BACE2: variants seen among roughly 807,000 people sequenced by gnomAD.
The protein encoded by BACE2 is 56 kDa aspartic-like protease.
BACE2 carries 17 observed loss-of-function variants against 46.2 expected under a neutral mutation model. The observed-to-expected ratio is 0.37, with a 90% CI of 0.25 to 0.55. The LOEUF (loss-of-function observed/expected upper bound fraction) is 0.55, where lower values mean the gene tolerates loss of function less well. Among genes scored for constraint, BACE2 ranks in the 20% least tolerant of loss-of-function variants. The pLI, the probability that BACE2 is intolerant of heterozygous loss-of-function variation, is 0.82. For synonymous variants in BACE2, 277 were observed against 295.9 expected, an observed-to-expected ratio of 0.94 and a Z score of 0.66; for missense variants, 595 against 698.1, an observed-to-expected ratio of 0.85 and a Z score of 1.66.
intron 4 of BACE2, among the ~76,000 whole-genome samples, chr21:41,243,023 C>T (rs2123604180): frequency 6.6e-6 from 1 of 152,246 alleles, no homozygotes; most frequent in East Asian, 1.9e-4. Flanking sequence ...AAGCGATTCT[C>T]CTGCCTCAGC....
chr21:41,221,949 G>T (rs1986669641), intron 1 of BACE2, among the ~76,000 whole-genome samples: 1 of 152,228 alleles, frequency 6.6e-6, no homozygotes, highest in African/African-American at 2.4e-5. Flanking sequence ...GCTTCACGCT[G>T]GTGGGGCGGA....
chr21:41,230,625 C>T (rs768765559), intron 2 of BACE2, among the ~76,000 whole-genome samples: 6 of 152,210 alleles, frequency 3.9e-5, no homozygotes, highest in Non-Finnish European at 8.8e-5. Flanking sequence ...CTCTGATTCA[C>T]GTCCTCAGTC....
intron 8 of BACE2, among the ~76,000 whole-genome samples, chr21:41,265,299 A>G (rs1250941351): frequency 1.3e-5 from 2 of 152,144 alleles, no homozygotes; most frequent in African/African-American, 2.4e-5. Flanking sequence ...ACTGCAGTGA[A>G]CATCATTTAT....
chr21:41,173,157 T>C (rs1984665865), intron 1 of BACE2, among the ~76,000 whole-genome samples: 1 of 152,242 alleles, frequency 6.6e-6, no homozygotes, highest in Non-Finnish European at 1.5e-5. Context: ...AGCATATCTT[T>C]TGGGGAACAT....
intron 2 of BACE2, among the ~76,000 whole-genome samples, chr21:41,235,003 A>G (rs1159692228): frequency 1.3e-5 from 2 of 152,224 alleles, no homozygotes; most frequent in Non-Finnish European, 2.9e-5. Context: ...AAAGCCAACC[A>G]TCTTTATATT....
intron 1 of BACE2, among the ~76,000 whole-genome samples, chr21:41,224,590 G>A (rs1178820184): frequency 6.6e-6 from 1 of 152,170 alleles, no homozygotes; most frequent in Non-Finnish European, 1.5e-5. Flanking sequence ...TGTTCATTCT[G>A]TAAACAACTG....
At chr21:41,179,485 G>C (rs757233865) in intron 1 of BACE2, 1 of 1,343,340 alleles carries the variant, frequency 7.4e-7, no homozygotes, top group Non-Finnish European at 9.9e-7. Flanking sequence ...GAGGTGTCCA[G>C]GGTGAGGAGT....
chr21:41,242,075 C>A, intron 4 of BACE2, 128 bp downstream of exon 4: 1 of 1,249,506 alleles, frequency 8.0e-7, no homozygotes, highest in Non-Finnish European at 1.1e-6. Flanking sequence ...AAACTTTCAT[C>A]CTCCTTGTAG....
At chr21:41,195,606 C>G (rs1465646584) in intron 1 of BACE2, among the ~76,000 whole-genome samples, 1 of 152,218 alleles carries the variant, frequency 6.6e-6, no homozygotes, top group Non-Finnish European at 1.5e-5. Context: ...CTCCCTGTTT[C>G]AATCCTGGTG....
chr21:41,245,893 G>A, intron 5 of BACE2, 69 bp from the exon 6 acceptor site: 3 of 1,245,290 alleles, frequency 2.4e-6, no homozygotes, highest in Non-Finnish European at 2.3e-6. Flanking sequence ...GGTGATGGCG[G>A]CTAGAGCCAC....
chr21:41,168,673 C>T (rs1489175529), intron 1 of BACE2, 98 bp downstream of exon 1: 1 of 947,672 alleles, frequency 1.1e-6, no homozygotes, highest in Non-Finnish European at 1.4e-6. Context: ...GCCCCCAAAG[C>T]AGCAGCTGTC....
intron 1 of BACE2, among the ~76,000 whole-genome samples, chr21:41,174,000 C>T (rs931628380): frequency 6.6e-6 from 1 of 151,932 alleles, no homozygotes; most frequent in Non-Finnish European, 1.5e-5. Context: ...CCATACTTCC[C>T]GCCATACTCA....
intron 3 of BACE2, among the ~76,000 whole-genome samples, chr21:41,239,201 G>A (rs931038252): frequency 9.2e-5 from 14 of 152,028 alleles, no homozygotes; most frequent in Non-Finnish European, 1.6e-4. Context: ...GGGGTGGGGA[G>A]GGCAAGAGGA....
At chr21:41,170,766 T>C (rs1472007862) in intron 1 of BACE2, among the ~76,000 whole-genome samples, 1 of 152,190 alleles carries the variant, frequency 6.6e-6, no homozygotes, top group African/African-American at 2.4e-5. Context: ...AAAATGGAAT[T>C]GTAAATTCAA....
intron 1 of BACE2, chr21:41,178,753 C>G (rs1308890003): frequency 1.6e-5 from 3 of 190,622 alleles, no homozygotes; most frequent in African/African-American, 7.1e-5. Flanking sequence ...TATTAAGCAC[C>G]TACTGCATGT....
At chr21:41,234,320 G>A (rs1307228545) in intron 2 of BACE2, among the ~76,000 whole-genome samples, 2 of 152,140 alleles carry the variant, frequency 1.3e-5, no homozygotes, top group East Asian at 1.9e-4. Flanking sequence ...CCAGTCTTAG[G>A]TATGCCTTTA....
At chr21:41,235,251 T>C (rs971871270) in intron 2 of BACE2, among the ~76,000 whole-genome samples, 1 of 152,240 alleles carries the variant, frequency 6.6e-6, no homozygotes, top group Non-Finnish European at 1.5e-5. Flanking sequence ...ATTTTTCTTT[T>C]AACTTTTTCT....
intron 1 of BACE2, among the ~76,000 whole-genome samples, chr21:41,197,926 C>A (rs2123523229): frequency 6.6e-6 from 1 of 152,206 alleles, no homozygotes; most frequent in South Asian, 2.1e-4. Context: ...ATGTGATGTA[C>A]AAAGGGAGGA....
chr21:41,257,962 C>T (rs1987835908), intron 8 of BACE2, among the ~76,000 whole-genome samples: 1 of 152,180 alleles, frequency 6.6e-6, no homozygotes, highest in Non-Finnish European at 1.5e-5. Flanking sequence ...ACGGAGTGCT[C>T]ACACCACACA....
Sources: allele counts gnomAD v4.1 joint callset (sites outside exome capture counted in the v4.1 genomes callset), GRCh38; gene constraint gnomAD v4.1.1; transcripts MANE v1.5; gene names NCBI Gene and HGNC (gene_info 2026-07-23, HGNC 2026-07-21).